The following VPS41 variants were observed in gnomAD, a reference collection of about 807,000 sequenced individuals.
VPS41 encodes vacuolar protein sorting-associated protein 41 homolog.
VPS41 carries 85 observed loss-of-function variants against 130.9 expected under a neutral mutation model. The ratio of observed to expected loss-of-function variants is 0.65; its 90% CI spans 0.55 to 0.78. The LOEUF is 0.78. Ranked by LOEUF, VPS41 falls within the 30% of genes least tolerant of loss-of-function variation. VPS41 has a pLI of 0.00. For missense variants in VPS41, 874 were observed against 1,018.7 expected (o/e 0.86, Z 1.93); for synonymous variants, 335 against 332.9 (o/e 1.01, Z -0.07).
chr7:38,808,912 G>A (rs62444137), intron 7 of VPS41, among the ~76,000 whole-genome samples: 33,790 of 152,082 alleles, frequency 0.22, 4,562 homozygotes, highest in Non-Finnish European at 0.31. Context: ...TTGTAGCCAG[G>A]GGACTGGGAG....
chr7:38,814,518 C>T (rs1021096107), intron 7 of VPS41, among the ~76,000 whole-genome samples: 2 of 152,034 alleles, frequency 1.3e-5, no homozygotes, highest in African/African-American at 4.8e-5. Context: ...GGCATGGTGG[C>T]AGGCGCCTGT....
Position 38,872,048 on chromosome 7 carries a change from G to T in VPS41, c.61-2795C>A, listed in dbSNP as rs145380451. The stretch of plus-strand genomic sequence containing the variant: ...CAATTCAGAAGTGGCTTAGCTGAGT[G>T]GTTCACTGAGGACTTCTCACGGCGT... On this transcript the variant is annotated intron_variant, in intron 2 of 28. Coordinates refer to ENST00000310301, the MANE Select transcript of VPS41 (RefSeq NM_014396.4). 2.6e-5 allele frequency among the ~76,000 whole-genome samples: 4 copies of T among 152,292 alleles called. No homozygotes were observed. The East Asian group carries it at 7.7e-4, about 29-fold the overall frequency.
intron 5 of VPS41, among the ~76,000 whole-genome samples, chr7:38,827,601 C>T (rs1036449125): frequency 6.6e-6 from 1 of 152,196 alleles, no homozygotes; most frequent in African/African-American, 2.4e-5. Flanking sequence ...AGGGGCCTCC[C>T]ACTGCCAAGA....
At chr7:38,874,312 T>C (rs866963978) in intron 2 of VPS41, among the ~76,000 whole-genome samples, 2 of 152,210 alleles carry the variant, frequency 1.3e-5, no homozygotes, top group Non-Finnish European at 1.5e-5. Context: ...CACCTCTGGA[T>C]ACCATTTCTT....
At chr7:38,909,067 CCTCCACCCACTCCA>C in intron 1 of VPS41, 73 bp downstream of exon 1, 1 of 1,525,188 alleles carries the variant, frequency 6.6e-7, no homozygotes, top group Non-Finnish European at 9.1e-7. Context: ...CAGCTCCGCA[CCTCCACCCACTCCA>C]CTCCACCCTC....
rs1349040951 is a variant in VPS41 at position 38,758,551 on chromosome 7, T to C, written c.1423-70A>G. ...ATAATAGTTGTGATATTGTGAAATA[T>C]ACATTTGGTCCTCCTTCTGTTTCCT... On this transcript the variant is annotated intron_variant, in intron 17 of 28. Coordinates refer to ENST00000310301, the MANE Select transcript of VPS41 (RefSeq NM_014396.4). The C allele has an allele frequency of 6.1e-6, 9 of 1,466,184 alleles. No individual in the cohort carries two copies. The South Asian group carries it at 9.0e-5, about 15-fold the overall frequency. The allele number at this position is 1,466,184 out of a possible 1,614,324, so 90.8% of individuals were successfully genotyped here.
At chr7:38,862,321 C>A (rs761062066) in intron 4 of VPS41, among the ~76,000 whole-genome samples, 3 of 151,996 alleles carry the variant, frequency 2.0e-5, no homozygotes, top group Non-Finnish European at 1.5e-5. Context: ...ATAAAAGATA[C>A]CCAGTCAAAA....
At chr7:38,776,901 G>A (rs1473166192) in intron 10 of VPS41, 125 bp from the exon 11 acceptor site, 29 of 525,820 alleles carry the variant, frequency 5.5e-5, no homozygotes, top group East Asian at 5.1e-4. Context: ...AGGGGACACC[G>A]TTGAACATAC....
chr7:38,727,898 A>T (rs1459377611), intron 27 of VPS41, among the ~76,000 whole-genome samples: 1 of 152,224 alleles, frequency 6.6e-6, no homozygotes, highest in Non-Finnish European at 1.5e-5. Context: ...TTTTCATTAC[A>T]GATGAAGACA....
chr7:38,770,861 G>A (rs930770145), intron 14 of VPS41, among the ~76,000 whole-genome samples: 3 of 152,128 alleles, frequency 2.0e-5, no homozygotes, highest in Non-Finnish European at 4.4e-5. Flanking sequence ...GCAGTTTTAG[G>A]AAACCTCTCT....
intron 4 of VPS41, among the ~76,000 whole-genome samples, chr7:38,836,676 C>T (rs1354424364): frequency 9.9e-6 from 1 of 101,394 alleles, no homozygotes; most frequent in African/African-American, 3.6e-5. Context: ...AAAATCAAAC[C>T]AAGTAAACAG....
chr7:38,763,603 A>G, intron 16 of VPS41, 56 bp from the exon 17 acceptor site: 1 of 1,065,354 alleles, frequency 9.4e-7, no homozygotes, highest in Non-Finnish European at 1.4e-6. Flanking sequence ...ACAAAACTGC[A>G]TTCCAATTAT....
intron 27 of VPS41, chr7:38,727,256 A>G: frequency 4.0e-6 from 1 of 250,306 alleles, no homozygotes; most frequent in Non-Finnish European, 7.6e-6. Context: ...TAGGAAAACC[A>G]GCAAGTGTAT....
chr7:38,756,303 A>AG (rs1783793157), intron 19 of VPS41, among the ~76,000 whole-genome samples: 2 of 151,538 alleles, frequency 1.3e-5, no homozygotes, highest in East Asian at 3.9e-4. Context: ...TCCACTCATT[A>AG]GGGGGCGTAA....
At chr7:38,784,058 C>T (rs1474070777) in intron 10 of VPS41, among the ~76,000 whole-genome samples, 5 of 152,170 alleles carry the variant, frequency 3.3e-5, no homozygotes, top group Non-Finnish European at 5.9e-5. Flanking sequence ...ACACAATTTT[C>T]AGATCTTCTG....
At chr7:38,907,189 A>G (rs917320) in intron 1 of VPS41, among the ~76,000 whole-genome samples, 39,026 of 152,104 alleles carry the variant, frequency 0.26, 6,437 homozygotes, top group Non-Finnish European at 0.38. Context: ...TCGCAATGAA[A>G]AAGAACACTT....
intron 25 of VPS41, among the ~76,000 whole-genome samples, chr7:38,740,187 G>C (rs1489514203): frequency 6.6e-6 from 1 of 152,158 alleles, no homozygotes; most frequent in Non-Finnish European, 1.5e-5. Flanking sequence ...ACTTCCCTTG[G>C]GGGAGGGTTG....
At chr7:38,779,930 T>A (rs771617469) in intron 10 of VPS41, among the ~76,000 whole-genome samples, 2 of 152,150 alleles carry the variant, frequency 1.3e-5, no homozygotes, top group Non-Finnish European at 2.9e-5. Context: ...AAGTTTCAGT[T>A]TATTTACTTT....
intron 2 of VPS41, among the ~76,000 whole-genome samples, chr7:38,871,330 A>G (rs1465458004): frequency 1.3e-5 from 2 of 152,250 alleles, no homozygotes; most frequent in Non-Finnish European, 2.9e-5. Flanking sequence ...AAATTCTTAC[A>G]GAAGTCTTCA....
Sources: gnomAD v4.1 joint callset for allele counts (sites outside exome capture counted in the v4.1 genomes callset) on GRCh38, gnomAD v4.1.1 for gene constraint, MANE v1.5 for transcripts, NCBI Gene and HGNC (gene_info 2026-07-23, HGNC 2026-07-21) for gene names.